The following SHANK2 variants were observed in gnomAD, a reference collection of about 807,000 sequenced individuals.
SHANK2 encodes SH3 and multiple ankyrin repeat domains 2.
SHANK2 carries 43 observed loss-of-function variants against 133.7 expected under a neutral mutation model. The ratio of observed to expected loss-of-function variants is 0.32; its 90% CI spans 0.25 to 0.41. The LOEUF is 0.41. Ranked by LOEUF, SHANK2 falls within the 10% of genes least tolerant of loss-of-function variation. SHANK2 has a pLI of 1.00. For synonymous variants in SHANK2, 1,017 were observed against 952.8 expected, an observed-to-expected ratio of 1.07 and a Z score of -1.24; for missense variants, 1,994 against 2,235.8, an observed-to-expected ratio of 0.89 and a Z score of 2.18.
At chr11:71,185,143 C>G (rs1953644648) in intron 2 of SHANK2, among the ~76,000 whole-genome samples, 1 of 152,164 alleles carries the variant, frequency 6.6e-6, no homozygotes, top group Non-Finnish European at 1.5e-5. Flanking sequence ...TATAGGCTAC[C>G]ATGATGCTGT....
intron 14 of SHANK2, among the ~76,000 whole-genome samples, chr11:70,782,942 G>A (rs1412576312): frequency 1.3e-5 from 2 of 152,168 alleles, no homozygotes; most frequent in African/African-American, 2.4e-5. Flanking sequence ...TAGAATTCAC[G>A]GACCCGCAAT....
intron 17 of SHANK2, among the ~76,000 whole-genome samples, chr11:70,615,428 G>A (rs2060725469): frequency 6.6e-6 from 1 of 152,070 alleles, no homozygotes; most frequent in Non-Finnish European, 1.5e-5. Context: ...CCTGAGCTCT[G>A]TCCCAGTCTT....
intron 14 of SHANK2, among the ~76,000 whole-genome samples, chr11:70,779,456 T>C (rs544345580): frequency 6.6e-6 from 1 of 152,292 alleles, no homozygotes; most frequent in East Asian, 1.9e-4. Context: ...CATTTGCCTG[T>C]ATTTTTAAAT....
chr11:71,094,836 A>C, intron 6 of SHANK2, 148 bp from the exon 7 acceptor site: 3 of 910,576 alleles, frequency 3.3e-6, no homozygotes, highest in Non-Finnish European at 4.9e-6. Context: ...TGGGAACCCC[A>C]AGAGTCCAGG....
chr11:71,245,376 A>G (rs1373998271), intron 1 of SHANK2, among the ~76,000 whole-genome samples: 1 of 152,232 alleles, frequency 6.6e-6, no homozygotes, highest in Non-Finnish European at 1.5e-5. Context: ...TTTTAAATGC[A>G]TTAATAATTA....
At chr11:70,900,352 CAA>C (rs113157970) in intron 10 of SHANK2, among the ~76,000 whole-genome samples, 14 of 132,434 alleles carry the variant, frequency 1.1e-4, no homozygotes, top group Admixed American at 7.7e-5. Flanking sequence ...GACTCGGTGT[CAA>C]AAAAAAAAAA....
chr11:70,737,080 C>A (rs1361816456), intron 14 of SHANK2, among the ~76,000 whole-genome samples: 2 of 152,136 alleles, frequency 1.3e-5, no homozygotes, highest in South Asian at 2.1e-4. Context: ...CCTTTCTGAG[C>A]CAAAGTCCCG....
intron 17 of SHANK2, among the ~76,000 whole-genome samples, chr11:70,605,788 A>C (rs556965564): frequency 6.6e-6 from 1 of 152,306 alleles, no homozygotes; most frequent in South Asian, 2.1e-4. Flanking sequence ...AGAGCAAAGA[A>C]AACCCGAGGA....
In SHANK2 at chr11:70,542,722, C is replaced by G. The variant is rs1275239866; in HGVS notation, c.2062-39791G>C. Among the ~76,000 whole-genome samples the G allele has an allele frequency of 5.3e-5, 8 of 152,218 alleles. No homozygotes were observed. In the South Asian group the frequency reaches 1.2e-3, roughly 24 times the overall value. On this transcript the variant is annotated intron_variant, in intron 17 of 25. Transcript: ENST00000601538. Reference sequence around the variant, plus strand: ...AGTCATGTGGGCCTGAGTGGCTACTCCTGGAAGCTGGTTCCCAAAGAAGCA... The same window carrying G: ...AGTCATGTGGGCCTGAGTGGCTACTGCTGGAAGCTGGTTCCCAAAGAAGCA...
intron 15 of SHANK2, among the ~76,000 whole-genome samples, chr11:70,683,681 G>A (rs938077699): frequency 2.6e-5 from 4 of 152,178 alleles, no homozygotes; most frequent in South Asian, 2.1e-4. Context: ...GCTTCTTGCC[G>A]CTTCTGGTGG....
chr11:70,581,202 G>A (rs1357038736), intron 17 of SHANK2, among the ~76,000 whole-genome samples: 1 of 152,346 alleles, frequency 6.6e-6, no homozygotes, highest in Admixed American at 6.5e-5. Context: ...GGGAAGAAAA[G>A]CTCTTGTAGT....
chr11:71,240,241 T>C (rs1555124219), intron 1 of SHANK2, among the ~76,000 whole-genome samples: 1 of 152,104 alleles, frequency 6.6e-6, no homozygotes, highest in Non-Finnish European at 1.5e-5. Context: ...CGAGGTCCAT[T>C]GTTCTCCAAG....
intron 10 of SHANK2, among the ~76,000 whole-genome samples, chr11:70,945,516 C>A (rs1168191259): frequency 1.3e-5 from 2 of 152,230 alleles, no homozygotes; most frequent in Non-Finnish European, 2.9e-5. Flanking sequence ...GGATGGTTTT[C>A]TCCAGACTGC....
chr11:70,868,237 G>A (rs1242895560), intron 11 of SHANK2, among the ~76,000 whole-genome samples: 1 of 152,160 alleles, frequency 6.6e-6, no homozygotes, highest in East Asian at 1.9e-4. Flanking sequence ...TAGACACAGA[G>A]GCTGAGGGGG....
intron 17 of SHANK2, among the ~76,000 whole-genome samples, chr11:70,515,592 A>G (rs2059253431): frequency 7.2e-6 from 1 of 139,812 alleles, no homozygotes; most frequent in African/African-American, 2.6e-5. Context: ...GCTTGAAGCC[A>G]GGAGTTTGAG....
chr11:71,175,005 C>T lies in SHANK2; in HGVS notation c.-12-27667G>A, dbSNP rs1953398755. On this transcript the variant is annotated intron_variant, in intron 2 of 25. Transcript: ENST00000601538. The surrounding 1 kb of genome is among the most constrained non-coding windows in gnomAD (Gnocchi z 4.2). Reference sequence around the variant, plus strand: ...TGGAATTCTCTCCTTGTCTCCCCCTCCTCCTCTCCCAGTTTACATGTCATG... The same window carrying T: ...TGGAATTCTCTCCTTGTCTCCCCCTTCTCCTCTCCCAGTTTACATGTCATG... Among the ~76,000 whole-genome samples, 2 of 152,330 alleles carry T rather than the reference C, an allele frequency of 1.3e-5. No individual in the cohort carries two copies. The highest frequency in any genetic ancestry group is 1.5e-5 in the Non-Finnish European group (1 of 68,028).
At chr11:70,944,100 T>A in intron 10 of SHANK2, 1 of 386,120 alleles carries the variant, frequency 2.6e-6, no homozygotes, top group Non-Finnish European at 5.2e-6. Flanking sequence ...TGCAATTCTA[T>A]TTCCCTCGAG....
intron 17 of SHANK2, among the ~76,000 whole-genome samples, chr11:70,564,391 T>A (rs1414739071): frequency 6.6e-6 from 1 of 152,038 alleles, no homozygotes; most frequent in East Asian, 1.9e-4. Context: ...CCCAAATAGC[T>A]GGGATTACAG....
At chr11:70,708,789 T>C (rs1304168645) in intron 14 of SHANK2, among the ~76,000 whole-genome samples, 1 of 152,198 alleles carries the variant, frequency 6.6e-6, no homozygotes, top group African/African-American at 2.4e-5. Context: ...AAATTTACTT[T>C]TGTAAATTGA....
Sources: allele counts gnomAD v4.1 joint callset (sites outside exome capture counted in the v4.1 genomes callset), GRCh38; gene constraint gnomAD v4.1.1; non-coding constraint Gnocchi (gnomAD v3.1); transcripts MANE v1.5; gene names NCBI Gene and HGNC (gene_info 2026-07-23, HGNC 2026-07-21).